B3GNT9: variants seen among roughly 807,000 people sequenced by gnomAD.
The protein encoded by B3GNT9 is UDP-GlcNAc:betaGal beta-1,3-N-acetylglucosaminyltransferase 9, also known as BGnT-9.
For missense variants in B3GNT9, 669 were observed against 599.2 expected (o/e 1.12, Z -1.22); for synonymous variants, 359 against 283.9 (o/e 1.26, Z -2.66).
chr16:67,149,186 G>A lies in B3GNT9; in HGVS notation c.*91C>T. ...GGGATCCTGTGGAGACAGGCACCTGGTGATCAGGGAAGAACCACATACACG... is the reference window on the plus strand; with the variant it reads ...GGGATCCTGTGGAGACAGGCACCTGATGATCAGGGAAGAACCACATACACG... On this transcript the variant is annotated 3_prime_UTR_variant, in exon 2 of 2. Transcript: ENST00000449549. 1.4e-6 allele frequency: 2 copies of A among 1,456,026 alleles called. No homozygotes were observed. The highest frequency in any genetic ancestry group is 3.0e-5 in the South Asian group (2 of 65,914). The allele number at this position is 1,456,026 out of a possible 1,614,324, so 90.2% of individuals were successfully genotyped here.
rs1374595728 is a variant in B3GNT9, at chr16:67,149,531, G to A, written c.955C>T (p.Leu319=). The change falls in exon 2 of 2, where the codon CTG becomes TTG. Residue 319 remains leucine, a synonymous_variant. Transcript: ENST00000449549. The part of the protein sequence containing the change: ...VELFPIDDVF[L]GMCLQRLRLT... ...CGCAGGCGCTGCAGACACATGCCCA[G>A]AAAGACGTCGTCGATGGGGAAGAGC... 2.5e-6 allele frequency: 4 copies of A among 1,609,448 alleles called. No individual in the cohort carries two copies. Among genetic ancestry groups the A allele is most frequent in the South Asian group, 1.1e-5 (1 of 90,322 alleles).
Position 67,150,424 on chromosome 16 carries a change from AG to A in B3GNT9, c.61del (p.Leu21TrpfsTer184). On this transcript the variant is annotated frameshift_variant, in exon 2 of 2. Transcript: ENST00000449549. LOFTEE classifies it low-confidence loss of function (END_TRUNC). ...GCGCTGCGCATAGAGTAAGAGGCCC[AG>A]GGAGGCGCCAAGGAGCAGCGTGAGC... ...ALLTLLLGAS[L>X]GLLLYAQRDG... is the part of the protein sequence containing the mutation. The A allele has an allele frequency of 7.4e-7, 1 of 1,359,026 alleles. No individual in the cohort carries two copies. The highest frequency in any genetic ancestry group is 9.4e-7 in the Non-Finnish European group (1 of 1,059,178). The allele number at this position is 1,359,026 out of a possible 1,614,324, so 84.2% of individuals were successfully genotyped here.
At chr16:67,150,828 T>G in intron 1 of B3GNT9, 37 bp downstream of exon 1, 2 of 209,916 alleles carry the variant, frequency 9.5e-6, no homozygotes, top group Non-Finnish European at 9.4e-6. Context: ...CACCCTGCCA[T>G]CCCCTCAATG....
rs530500453 is a variant in B3GNT9 at position 67,150,946 on chromosome 16, G to C, written c.-268C>G. On this transcript the variant is annotated 5_prime_UTR_variant, in exon 1 of 2. Transcript: ENST00000449549. Reference sequence around the variant, plus strand: ...AGGGTCCGAGGGGCCGCCATGGACCGGGCCCGAGCCAAATGCAGCGTTGGC... The same window carrying C: ...AGGGTCCGAGGGGCCGCCATGGACCCGGCCCGAGCCAAATGCAGCGTTGGC... The C allele has an allele frequency of 1.3e-5, 2 of 153,874 alleles. No individual in the cohort carries two copies. The highest frequency in any genetic ancestry group is 2.9e-5 in the Non-Finnish European group (2 of 69,288). 9.5% of individuals were successfully genotyped at this position (153,874 alleles called of 1,614,324 possible).
chr16:67,149,968 C>T lies in B3GNT9; in HGVS notation c.518G>A (p.Gly173Asp), dbSNP rs2145903504. The T allele has an allele frequency of 6.5e-7, 1 of 1,549,258 alleles. No individual in the cohort carries two copies. Among genetic ancestry groups the T allele is most frequent in the East Asian group, 2.4e-5 (1 of 41,062 alleles). The part of the protein sequence containing the change: ...GSGGADEVGE[G>D]ARTHWRALLR... ...CAGGGCGCGCCAGTGGGTTCGCGCG[C>T]CCTCCCCAACTTCGTCGGCCCCGCC... The change falls in exon 2 of 2, where the codon GGC (glycine) becomes GAC (aspartate). Residue 173 changes from glycine to aspartate, a missense_variant. Transcript: ENST00000449549.
rs2030347361 is a variant in B3GNT9, at chr16:67,149,220, C to G, written c.*57G>C. 68 of 1,500,700 alleles carry G rather than the reference C, an allele frequency of 4.5e-5. 1 individual carries two copies. The South Asian group carries it at 8.9e-4, about 20-fold the overall frequency. The allele number at this position is 1,500,700 out of a possible 1,614,324, so 93.0% of individuals were successfully genotyped here. On this transcript the variant is annotated 3_prime_UTR_variant, in exon 2 of 2. Coordinates refer to ENST00000449549, the MANE Select transcript of B3GNT9 (RefSeq NM_033309.3). ...GAAGAACCACATACACGGCAATAAT[C>G]TGGGAAACCGGCTCCATTCTGGGTC...
chr16:67,149,314 T>TGC lies in B3GNT9; in HGVS notation c.1171_1172insGC (p.Gln391ArgfsTer79). ...TTGGAAGGGGCCTGCAGCGACAGGCTGTGGATGCGCACAGGCTGGCCCATG... is the reference window on the plus strand; with the variant it reads ...TTGGAAGGGGCCTGCAGCGACAGGCTGCGTGGATGCGCACAGGCTGGCCCATG... On this transcript the variant is annotated frameshift_variant, in exon 2 of 2. Transcript: ENST00000449549. LOFTEE classifies it high-confidence loss of function. The TGC allele has an allele frequency of 6.3e-7, 1 of 1,577,748 alleles. No individual in the cohort carries two copies. Among genetic ancestry groups the TGC allele is most frequent in the Non-Finnish European group, 8.6e-7 (1 of 1,160,456 alleles).
chr16:67,150,325 C>G lies in B3GNT9; in HGVS notation c.161G>C (p.Arg54Pro). The change falls in exon 2 of 2, where the codon CGC becomes CCC. Residue 54 changes from arginine to proline, a missense_variant. By Grantham distance (103) the Arg-to-Pro change is moderately radical. Transcript: ENST00000449549. ...RAAPRPTPGP[R>P]AFQLPDAGAA... ...ACCCGCGTCGGGTAACTGGAACGCG[C>G]GGGGTCCGGGGGTGGGCCTCGGTGC... 2 of 1,402,446 alleles carry G rather than the reference C, an allele frequency of 1.4e-6. No individual in the cohort carries two copies. Among genetic ancestry groups the G allele is most frequent in the Non-Finnish European group, 1.9e-6 (2 of 1,076,742 alleles). 86.9% of individuals were successfully genotyped at this position (1,402,446 alleles called of 1,614,324 possible). A position where few individuals can be genotyped will look rare whatever the true frequency, so the allele number is the denominator to read the frequency against.
At position 67,150,105 on chromosome 16, in the gene B3GNT9, C is replaced by T. The variant is rs377254902; in HGVS notation, c.381G>A (p.Glu127=). ...GCACGGCTTGGCGCCGCTCGAAGTC[C>T]TCTGCCACCGACTTGACAGCAATAA... ...DLLIAVKSVA[E]DFERRQAVRQ... Residue 127 remains glutamate (E), a synonymous_variant, in exon 2 of 2, where the codon GAG becomes GAA. Transcript: ENST00000449549. The T allele has an allele frequency of 9.5e-6, 14 of 1,473,716 alleles. No individual in the cohort carries two copies. In the African/African-American group the frequency reaches 2.1e-4, roughly 22 times the overall value. The allele number at this position is 1,473,716 out of a possible 1,614,324, so 91.3% of individuals were successfully genotyped here. A position where few individuals can be genotyped will look rare whatever the true frequency, so the allele number is the denominator to read the frequency against.
In B3GNT9 at chr16:67,150,508, C is replaced by G. The variant is rs1194584748; in HGVS notation, c.-23G>C. The G allele has an allele frequency of 3.9e-6, 5 of 1,287,036 alleles. No homozygotes were observed. The highest frequency in any genetic ancestry group is 4.1e-5 in the Admixed American group (1 of 24,326). 79.7% of individuals were successfully genotyped at this position (1,287,036 alleles called of 1,614,324 possible). On this transcript the variant is annotated 5_prime_UTR_variant, in exon 2 of 2. Coordinates refer to ENST00000449549, the MANE Select transcript of B3GNT9 (RefSeq NM_033309.3). ...CATCTCCGCGCGGCCTGCGCCCTCC[C>G]TCCCCTGTAAGGGTCGCAGTCGGCA... is the stretch of plus-strand genomic sequence containing the variant.
chr16:67,150,008 T>C lies in B3GNT9; in HGVS notation c.478A>G (p.Arg160Gly), dbSNP rs1387798524. 6.5e-7 allele frequency: 1 copy of C among 1,528,834 alleles called. No individual in the cohort carries two copies. Among genetic ancestry groups the C allele is most frequent in the Admixed American group, 2.2e-5 (1 of 46,002 alleles). The allele number at this position is 1,528,834 out of a possible 1,614,324, so 94.7% of individuals were successfully genotyped here. ...VRRVFLLGVP[R>G]GAGSGGADEV... is the part of the protein sequence containing the mutation. ...TCGGCCCCGCCCGAGCCTGCGCCCC[T>C]GGGCACGCCCAGCAAGAACACGCGG... Residue 160 changes from arginine (R) to glycine (G), a missense_variant, in exon 2 of 2, where the codon AGG becomes GGG. Physicochemically the swap from Arg to Gly is moderately radical, Grantham distance 125. Transcript: ENST00000449549.
rs1022183916 is a variant in B3GNT9, at chr16:67,148,331, C to G, written c.*946G>C. ...AGCCAGGTTTGTGTGGCGCTCCCGA[C>G]TTTTGTGACTGACTGGTGTCTTCCC... On this transcript the variant is annotated 3_prime_UTR_variant, in exon 2 of 2. Transcript: ENST00000449549. The G allele has an allele frequency of 6.6e-6, 1 of 152,652 alleles. No individual in the cohort carries two copies. The highest frequency in any genetic ancestry group is 1.5e-5 in the Non-Finnish European group (1 of 68,070). 9.5% of individuals were successfully genotyped at this position (152,652 alleles called of 1,614,324 possible).
At position 67,150,384 on chromosome 16, in the gene B3GNT9, C is replaced by G; in HGVS notation, c.102G>C (p.Pro34=). 1 of 1,347,164 alleles carries G rather than the reference C, an allele frequency of 7.4e-7. No homozygotes were observed. Among genetic ancestry groups the G allele is most frequent in the Non-Finnish European group, 9.5e-7 (1 of 1,050,564 alleles). 83.5% of individuals were successfully genotyped at this position (1,347,164 alleles called of 1,614,324 possible). Residue 34 remains proline, a synonymous_variant, in exon 2 of 2, where the codon CCG becomes CCC. Transcript: ENST00000449549. ...LLYAQRDGAA[P]TASAPRGRGR... is the part of the protein sequence containing the mutation. The stretch of plus-strand genomic sequence containing the variant: ...CTCGCCCTCGCGGCGCGCTCGCCGT[C>G]GGGGCCGCGCCGTCGCGCTGCGCAT...
rs760420481 is a variant in B3GNT9 at position 67,150,179 on chromosome 16, G to A, written c.307C>T (p.Pro103Ser). The A allele has an allele frequency of 5.1e-6, 8 of 1,556,478 alleles. No individual in the cohort carries two copies. The highest frequency in any genetic ancestry group is 6.1e-6 in the Non-Finnish European group (7 of 1,154,928). ...GCGCCGTCGCCGCGGCACTTGTGCG[G>A]CTGGTTAATGAGCAGTGGAAACCGC... ...QRRFPLLINQ[P>S]HKCRGDGAPG... The change falls in exon 2 of 2, where the codon CCG becomes TCG. Residue 103 changes from proline (P) to serine (S), a missense_variant. Pro to Ser is a moderately conservative substitution (Grantham distance 74). Transcript: ENST00000449549.
chr16:67,149,585 G>GGT lies in B3GNT9; in HGVS notation c.899_900dup (p.Arg301ThrfsTer51). 1.2e-6 allele frequency: 2 copies of GGT among 1,601,150 alleles called. No homozygotes were observed. The highest frequency in any genetic ancestry group is 1.7e-6 in the Non-Finnish European group (2 of 1,174,326). The stretch of plus-strand genomic sequence containing the variant: ...ACCTGCGCACAGGCGCCAGCCAGGC[G>GGT]GTGCAGCGTGGCCCCGGAAAGCACA... On this transcript the variant is annotated frameshift_variant, in exon 2 of 2. Transcript: ENST00000449549. LOFTEE classifies it low-confidence loss of function (END_TRUNC).
At position 67,149,297 on chromosome 16, in the gene B3GNT9, G is replaced by A; in HGVS notation, c.1189C>T (p.Pro397Ser). ...GGGAGCTAGGAGTCCCATTGGAAGG[G>A]GCCTGCAGCGACAGGCTGTGGATGC... ...CAHPQPVAAG[P>S]FQWDS The change falls in exon 2 of 2, where the codon CCC (proline) becomes TCC (serine). Residue 397 changes from proline to serine, a missense_variant. Physicochemically the swap from Pro to Ser is moderately conservative, Grantham distance 74. Coordinates refer to ENST00000449549, the MANE Select transcript of B3GNT9 (RefSeq NM_033309.3). 6.4e-7 allele frequency: 1 copy of A among 1,556,338 alleles called. No homozygotes were observed. The highest frequency in any genetic ancestry group is 1.4e-5 in the African/African-American group (1 of 73,716).
chr16:67,150,303 C>T lies in B3GNT9; in HGVS notation c.183G>A (p.Ala61=). 1 of 1,417,774 alleles carries T rather than the reference C, an allele frequency of 7.1e-7. No homozygotes were observed. Among genetic ancestry groups the T allele is most frequent in the Non-Finnish European group, 9.2e-7 (1 of 1,081,810 alleles). 87.8% of individuals were successfully genotyped at this position (1,417,774 alleles called of 1,614,324 possible). A position where few individuals can be genotyped will look rare whatever the true frequency, so the allele number is the denominator to read the frequency against. Residue 61 remains alanine, a synonymous_variant, in exon 2 of 2, where the codon GCG becomes GCA. Transcript: ENST00000449549. Reference sequence around the variant, plus strand: ...CTTCGTAGGCCGGCGGGGCTGCACCCGCGTCGGGTAACTGGAACGCGCGGG... The same window carrying T: ...CTTCGTAGGCCGGCGGGGCTGCACCTGCGTCGGGTAACTGGAACGCGCGGG... ...PGPRAFQLPD[A]GAAPPAYEGD...
Position 67,150,019 on chromosome 16 carries a change from A to C in B3GNT9, c.467T>G (p.Leu156Arg). ...CGAGCCTGCGCCCCTGGGCACGCCC[A>C]GCAAGAACACGCGGCGCACCAGCGC... Reference protein sequence around the residue: ...QGALVRRVFLLGVPRGAGSGG... With the variant: ...QGALVRRVFLRGVPRGAGSGG... Residue 156 changes from leucine (L) to arginine (R), a missense_variant, in exon 2 of 2, where the codon CTG becomes CGG. By Grantham distance (102) the Leu-to-Arg change is moderately radical (BLOSUM62 -2). Coordinates refer to ENST00000449549, the MANE Select transcript of B3GNT9 (RefSeq NM_033309.3). 1 of 1,524,018 alleles carries C rather than the reference A, an allele frequency of 6.6e-7. No homozygotes were observed. The highest frequency in any genetic ancestry group is 8.8e-7 in the Non-Finnish European group (1 of 1,136,282). 94.4% of individuals were successfully genotyped at this position (1,524,018 alleles called of 1,614,324 possible).
chr16:67,149,620 C>T lies in B3GNT9; in HGVS notation c.866G>A (p.Gly289Asp), dbSNP rs776690027. 2.5e-6 allele frequency: 4 copies of T among 1,598,286 alleles called. No homozygotes were observed. The highest frequency in any genetic ancestry group is 2.6e-6 in the Non-Finnish European group (3 of 1,172,812). Residue 289 changes from glycine (G) to aspartate (D), a missense_variant, in exon 2 of 2, where the codon GGC becomes GAC. Physicochemically the swap from Gly to Asp is moderately conservative, Grantham distance 94. Transcript: ENST00000449549. Reference protein sequence around the residue: ...GLPAYPAYAGGGGFVLSGATL... With the variant: ...GLPAYPAYAGDGGFVLSGATL... Reference sequence around the variant, plus strand: ...GGCCCCGGAAAGCACAAAGCCACCGCCGCCCGCGTAGGCCGGATAGGCGGG... The same window carrying T: ...GGCCCCGGAAAGCACAAAGCCACCGTCGCCCGCGTAGGCCGGATAGGCGGG...
Sources: gnomAD v4.1 joint callset for allele counts on GRCh38, gnomAD v4.1.1 for gene constraint, MANE v1.5 for transcripts, NCBI Gene and HGNC (gene_info 2026-07-23, HGNC 2026-07-21) for gene names.